SLC16A9: variants seen among roughly 807,000 people sequenced by gnomAD.
SLC16A9 encodes the protein monocarboxylate transporter 9.
In SLC16A9, 26 loss-of-function variants were observed where a neutral mutation model predicts 44.3. The ratio of observed to expected loss-of-function variants is 0.59; its 90% confidence interval spans 0.43 to 0.81. The LOEUF is 0.81. Among genes scored for constraint, SLC16A9 ranks in the 40% least tolerant of loss-of-function variants. The probability of loss-of-function intolerance (pLI) is 0.00; values close to 1 mark genes in which losing one functional copy is unlikely to be tolerated. For missense variants in SLC16A9, 559 were observed against 595.8 expected (o/e 0.94, Z 0.64); for synonymous variants, 230 against 225.1 (o/e 1.02, Z -0.19).
At chr10:59,656,750 A>G (rs1224315274) in intron 4 of SLC16A9, among the ~76,000 whole-genome samples, 3 of 152,216 alleles carry the variant, frequency 2.0e-5, no homozygotes, top group South Asian at 2.1e-4. Context: ...TGCTGCACCT[A>G]TCAACCCATT....
intron 2 of SLC16A9, among the ~76,000 whole-genome samples, chr10:59,680,492 C>T (rs1839962708): frequency 6.6e-6 from 1 of 152,144 alleles, no homozygotes; most frequent in Non-Finnish European, 1.5e-5. Context: ...GTTTTACAGA[C>T]AATTTACTTT....
chr10:59,664,031 TAAA>T (rs71467073), intron 4 of SLC16A9, among the ~76,000 whole-genome samples, 193 bp downstream of exon 4: 4 of 122,554 alleles, frequency 3.3e-5, no homozygotes, highest in Admixed American at 1.6e-4. Context: ...ATGTAAAATG[TAAA>T]AAAAAAAAAA....
At chr10:59,659,675 A>G (rs1041153512) in intron 4 of SLC16A9, among the ~76,000 whole-genome samples, 11 of 152,096 alleles carry the variant, frequency 7.2e-5, no homozygotes, top group Admixed American at 2.0e-4. Context: ...AGAACTCTAC[A>G]CCCCAAATCA....
At chr10:59,679,736 G>A (rs1007832055) in intron 2 of SLC16A9, among the ~76,000 whole-genome samples, 3 of 152,088 alleles carry the variant, frequency 2.0e-5, no homozygotes, top group African/African-American at 4.8e-5. Context: ...AAAACTGACC[G>A]TCACACCTCC....
chr10:59,679,405 A>G (rs972091675), intron 2 of SLC16A9, among the ~76,000 whole-genome samples: 13 of 152,208 alleles, frequency 8.5e-5, no homozygotes, highest in African/African-American at 3.1e-4. Flanking sequence ...TGAAACAACC[A>G]TACTAGGCAG....
At chr10:59,667,546 T>C (rs1021499504) in intron 3 of SLC16A9, among the ~76,000 whole-genome samples, 9 of 152,338 alleles carry the variant, frequency 5.9e-5, no homozygotes, top group African/African-American at 2.2e-4. Flanking sequence ...AATGAATAGC[T>C]AAACAAATAT....
At chr10:59,654,719 A>C (rs1839310630) in intron 4 of SLC16A9, 130 bp from the exon 5 acceptor site, 2 of 700,726 alleles carry the variant, frequency 2.9e-6, no homozygotes, top group African/African-American at 3.6e-5. Context: ...TCATATTAAG[A>C]AGATAGAAGA....
intron 1 of SLC16A9, among the ~76,000 whole-genome samples, chr10:59,697,972 AAC>A (rs1554874628): frequency 2.9e-5 from 4 of 137,662 alleles, no homozygotes; most frequent in African/African-American, 5.1e-5. Context: ...TAAAAAAAAA[AAC>A]AAAAAACAAA....
chr10:59,653,888 T>C lies in SLC16A9; in HGVS notation c.1138A>G (p.Ile380Val). 6.2e-7 allele frequency: 1 copy of C among 1,614,168 alleles called. No homozygotes were observed. The highest frequency in any genetic ancestry group is 1.1e-5 in the South Asian group (1 of 91,086). Reference sequence around the variant, plus strand: ...GCACACAAGGCTAGGCCCATGATGATTAAGGTAGCAACATAAAGATACAAG... The same window carrying C: ...GCACACAAGGCTAGGCCCATGATGACTAAGGTAGCAACATAAAGATACAAG... Reference protein sequence around the residue: ...NTLYLYVATLIIMGLALCAIP... With the variant: ...NTLYLYVATLVIMGLALCAIP... The change falls in exon 5 of 6, where the codon ATC becomes GTC. Residue 380 changes from isoleucine to valine, a missense_variant. Physicochemically the swap from Ile to Val is conservative, Grantham distance 29 (BLOSUM62 3). Coordinates refer to ENST00000395348, the MANE Select transcript of SLC16A9 (RefSeq NM_194298.3).
intron 4 of SLC16A9, among the ~76,000 whole-genome samples, chr10:59,659,761 C>G (rs1271329301): frequency 6.6e-6 from 1 of 152,110 alleles, no homozygotes; most frequent in Admixed American, 6.6e-5. Context: ...TAAAACACTC[C>G]TCAGCAAATG....
chr10:59,704,040 A>G (rs969707681), intron 1 of SLC16A9, among the ~76,000 whole-genome samples: 2 of 152,312 alleles, frequency 1.3e-5, no homozygotes, highest in Admixed American at 6.5e-5. Flanking sequence ...ATGTTTTAAC[A>G]CTAGAATAGA....
chr10:59,699,937 T>A (rs74152122), intron 1 of SLC16A9, among the ~76,000 whole-genome samples: 2 of 123,064 alleles, frequency 1.6e-5, no homozygotes, highest in Non-Finnish European at 3.6e-5. Flanking sequence ...CACACACACA[T>A]ACACACATTA....
chr10:59,671,517 A>G (rs1312809469), intron 3 of SLC16A9, among the ~76,000 whole-genome samples: 1 of 152,196 alleles, frequency 6.6e-6, no homozygotes, highest in Non-Finnish European at 1.5e-5. Flanking sequence ...TTATGCCCCA[A>G]CTGCCCAGCC....
intron 2 of SLC16A9, among the ~76,000 whole-genome samples, chr10:59,678,568 G>C (rs35601453): frequency 3.5e-5 from 1 of 28,756 alleles, no homozygotes; most frequent in African/African-American, 1.6e-4. Context: ...ACGGAGTCTC[G>C]CTCTGTCGCC....
chr10:59,666,044 C>A (rs1839609045), intron 3 of SLC16A9, among the ~76,000 whole-genome samples: 1 of 151,760 alleles, frequency 6.6e-6, no homozygotes, highest in South Asian at 2.1e-4. Context: ...GCCTGTAATC[C>A]CAGCAGTTTG....
intron 2 of SLC16A9, among the ~76,000 whole-genome samples, chr10:59,675,630 A>G (rs1047091473): frequency 1.3e-5 from 2 of 151,838 alleles, no homozygotes; most frequent in Admixed American, 1.3e-4. Context: ...AAGAGGCAAA[A>G]TGGTGGATGT....
chr10:59,657,956 T>G (rs1293462562), intron 4 of SLC16A9, among the ~76,000 whole-genome samples: 1 of 152,130 alleles, frequency 6.6e-6, no homozygotes, highest in Non-Finnish European at 1.5e-5. Context: ...TACTCTCCCC[T>G]CTTTGGAATT....
Position 59,700,107 on chromosome 10 carries a change from A to G in SLC16A9, c.-37+9372T>C, listed in dbSNP as rs1840490577. Among the ~76,000 whole-genome samples the G allele has an allele frequency of 2.6e-5, 4 of 152,232 alleles. No individual in the cohort carries two copies. In the South Asian group the frequency reaches 8.3e-4, roughly 31 times the overall value. ...AATGACAATCATAGGCTGCTCTTAG[A>G]TCATTGAAAAGCCCCCAGGTTAGTG... On this transcript the variant is annotated intron_variant, in intron 1 of 5. Coordinates refer to ENST00000395348, the MANE Select transcript of SLC16A9 (RefSeq NM_194298.3).
intron 5 of SLC16A9, 21 bp downstream of exon 5, chr10:59,653,654 A>C: frequency 6.3e-7 from 1 of 1,589,554 alleles, no homozygotes; most frequent in Non-Finnish European, 8.6e-7. Context: ...AAATGGGATG[A>C]TTTTAAGATA....
Sources: gnomAD v4.1 joint callset for allele counts (sites outside exome capture counted in the v4.1 genomes callset) on GRCh38, gnomAD v4.1.1 for gene constraint, MANE v1.5 for transcripts, NCBI Gene and HGNC (gene_info 2026-07-23, HGNC 2026-07-21) for gene names.